CFAP221: variants seen among roughly 807,000 people sequenced by gnomAD.
CFAP221 encodes the protein cilia- and flagella-associated protein 221.
A neutral mutation model predicts 113.1 loss-of-function variants in CFAP221; 97 were observed. That is an observed-to-expected ratio of 0.86 (90% CI 0.73 to 1.02). The LOEUF is 1.02. Ranked by LOEUF, CFAP221 falls within the 50% of genes least tolerant of loss-of-function variation. The pLI, the probability that CFAP221 is intolerant of heterozygous loss-of-function variation, is 0.00. For missense variants in CFAP221, 1,025 were observed against 1,013.4 expected (o/e 1.01, Z -0.16); for synonymous variants, 331 against 354.4 (o/e 0.93, Z 0.74).
Position 119,604,799 on chromosome 2 carries a change from T to G in CFAP221, c.912+7T>G. 1 of 1,575,176 alleles carries G rather than the reference T, an allele frequency of 6.3e-7. No individual in the cohort carries two copies. Among genetic ancestry groups the G allele is most frequent in the Non-Finnish European group, 8.6e-7 (1 of 1,160,582 alleles). The stretch of plus-strand genomic sequence containing the variant: ...GAAGCCTCAGAAGGTGAAGGTACGG[T>G]GGGCCTTGTCCTTGGTGCGATGAAA... On this transcript the variant is annotated splice_region_variant and intron_variant, in intron 9 of 23. Coordinates refer to ENST00000413369, the MANE Select transcript of CFAP221 (RefSeq NM_001271049.2).
chr2:119,574,507 A>G (rs1388896858), intron 6 of CFAP221, among the ~76,000 whole-genome samples: 1 of 152,210 alleles, frequency 6.6e-6, no homozygotes. Context: ...TCCTGGAAGG[A>G]GCAAAGGTGA....
chr2:119,570,410 T>A (rs1232596791), intron 6 of CFAP221, among the ~76,000 whole-genome samples: 1 of 152,182 alleles, frequency 6.6e-6, no homozygotes, highest in East Asian at 1.9e-4. Context: ...ATGATAAAAT[T>A]TGCTAATTTA....
intron 21 of CFAP221, among the ~76,000 whole-genome samples, chr2:119,643,056 G>T (rs1687590796): frequency 6.6e-6 from 1 of 152,174 alleles, no homozygotes; most frequent in Admixed American, 6.5e-5. Context: ...CTCCCAAAGT[G>T]TTGGGATTAC....
chr2:119,639,884 T>G lies in CFAP221; in HGVS notation c.2225+12T>G, dbSNP rs1291223034. 1.2e-6 allele frequency: 2 copies of G among 1,609,234 alleles called. No homozygotes were observed. The highest frequency in any genetic ancestry group is 4.5e-5 in the East Asian group (2 of 44,860). On this transcript the variant is annotated intron_variant, in intron 21 of 23. Transcript: ENST00000413369. ...GAGACCACAAAGAGGTAAGCACAGC[T>G]CATCTGTTTGCTCACGAGTATGTGT...
intron 6 of CFAP221, chr2:119,581,002 C>T (rs2104598000): frequency 6.6e-6 from 1 of 152,378 alleles, no homozygotes; most frequent in Middle Eastern, 3.4e-3. Flanking sequence ...AGGGACAGTA[C>T]TAACCAGCTT....
chr2:119,559,142 A>G (rs2104533120), intron 3 of CFAP221, among the ~76,000 whole-genome samples: 1 of 152,330 alleles, frequency 6.6e-6, no homozygotes, highest in East Asian at 1.9e-4. Context: ...ATCCTGCCTC[A>G]CAGGGATGGC....
intron 3 of CFAP221, among the ~76,000 whole-genome samples, chr2:119,556,597 A>G (rs528065363): frequency 6.7e-6 from 1 of 148,444 alleles, no homozygotes; most frequent in South Asian, 2.1e-4. Flanking sequence ...CTTGTCACCC[A>G]GGTTGGAGTG....
chr2:119,619,122 G>A (rs1185982330), intron 14 of CFAP221, among the ~76,000 whole-genome samples: 3 of 152,208 alleles, frequency 2.0e-5, no homozygotes, highest in Non-Finnish European at 4.4e-5. Flanking sequence ...ATCTCCCTGG[G>A]ACAGAGCACC....
chr2:119,583,691 G>A (rs1683004151), intron 6 of CFAP221, among the ~76,000 whole-genome samples: 1 of 152,196 alleles, frequency 6.6e-6, no homozygotes. Flanking sequence ...CAAAATGTAT[G>A]TGTTTAAATC....
At chr2:119,651,860 C>A in intron 22 of CFAP221, 114 bp from the exon 23 acceptor site, 1 of 762,004 alleles carries the variant, frequency 1.3e-6, no homozygotes, top group Non-Finnish European at 2.0e-6. Context: ...GTAGATGGAA[C>A]TAAAGTTGAA....
rs375418107 is a variant in CFAP221, at chr2:119,627,744, C to T, written c.1608C>T (p.Phe536=). 3.1e-6 allele frequency: 5 copies of T among 1,613,668 alleles called. No individual in the cohort carries two copies. The highest frequency in any genetic ancestry group is 2.7e-5 in the African/African-American group (2 of 74,798). Residue 536 remains phenylalanine (F), a synonymous_variant, in exon 16 of 24, where the codon TTC becomes TTT. Transcript: ENST00000413369. ...FSVSPKEVLP[F]AFPDCSPPQD... ...TGTCGCCCAAGGAGGTGCTGCCCTT[C>T]GCTTTCCCAGACTGCAGCCCACCCC...
At chr2:119,615,064 T>C (rs942780630) in intron 13 of CFAP221, among the ~76,000 whole-genome samples, 10 of 152,240 alleles carry the variant, frequency 6.6e-5, no homozygotes, top group Non-Finnish European at 1.0e-4. Context: ...TGCTGTCTCT[T>C]TTTATATAAT....
chr2:119,613,610 G>A (rs1228060859), intron 13 of CFAP221, among the ~76,000 whole-genome samples: 2 of 152,152 alleles, frequency 1.3e-5, no homozygotes, highest in African/African-American at 2.4e-5. Flanking sequence ...TTATGGCTGG[G>A]ACACAGGGCA....
chr2:119,623,879 T>C (rs761972847), intron 14 of CFAP221, among the ~76,000 whole-genome samples: 1 of 152,160 alleles, frequency 6.6e-6, no homozygotes, highest in Non-Finnish European at 1.5e-5. Context: ...CAAGATGGAT[T>C]AAAGACTTAA....
Position 119,587,115 on chromosome 2 carries a change from G to A in CFAP221, c.528-4G>A. ...TTTTATTTTCTTTTTTGTTTGTTTTGCAGCAAAACTTATGTTATTCCTTTG... is the reference window on the plus strand; with the variant it reads ...TTTTATTTTCTTTTTTGTTTGTTTTACAGCAAAACTTATGTTATTCCTTTG... On this transcript the variant is annotated splice_polypyrimidine_tract_variant and splice_region_variant and intron_variant, in intron 6 of 23. Transcript: ENST00000413369. 1.2e-5 allele frequency: 18 copies of A among 1,489,806 alleles called. No individual in the cohort carries two copies. The highest frequency in any genetic ancestry group is 1.6e-5 in the Non-Finnish European group (18 of 1,127,442). The allele number at this position is 1,489,806 out of a possible 1,614,324, so 92.3% of individuals were successfully genotyped here. A position where few individuals can be genotyped will look rare whatever the true frequency, so the allele number is the denominator to read the frequency against.
chr2:119,646,379 T>TA (rs1382627882), intron 21 of CFAP221, among the ~76,000 whole-genome samples: 1 of 152,114 alleles, frequency 6.6e-6, no homozygotes, highest in South Asian at 2.1e-4. Context: ...TCTGGAGACT[T>TA]ACAATCATGG....
chr2:119,627,723 G>C lies in CFAP221; in HGVS notation c.1587G>C (p.Ser529=). The change falls in exon 16 of 24, where the codon TCG becomes TCC. Residue 529 remains serine, a synonymous_variant. Transcript: ENST00000413369. ...QDDYTSRFSV[S]PKEVLPFAFP... is the part of the protein sequence containing the mutation. ...ATTATACCAGCCGGTTCTCTGTGTC[G>C]CCCAAGGAGGTGCTGCCCTTCGCTT... is the stretch of plus-strand genomic sequence containing the variant. 1 of 1,613,590 alleles carries C rather than the reference G, an allele frequency of 6.2e-7. No homozygotes were observed. The highest frequency in any genetic ancestry group is 8.5e-7 in the Non-Finnish European group (1 of 1,179,878).
Position 119,601,351 on chromosome 2 carries a change from A to G in CFAP221, c.765A>G (p.Gly255=). ...AACCATACGAATGTGTCTTCACCGG[A>G]ACATGCTATCCCAACATGGCCTTAC... ...NSQPYECVFT[G]TCYPNMALPL... The change falls in exon 8 of 24, where the codon GGA becomes GGG. Residue 255 remains glycine (G), a synonymous_variant. Transcript: ENST00000413369. The G allele has an allele frequency of 6.5e-7, 1 of 1,532,562 alleles. No homozygotes were observed. The highest frequency in any genetic ancestry group is 8.7e-7 in the Non-Finnish European group (1 of 1,144,662). 94.9% of individuals were successfully genotyped at this position (1,532,562 alleles called of 1,614,324 possible).
chr2:119,598,840 A>T (rs1558947298), intron 7 of CFAP221, among the ~76,000 whole-genome samples: 2 of 152,252 alleles, frequency 1.3e-5, no homozygotes, highest in Non-Finnish European at 2.9e-5. Context: ...GGCAGCACTT[A>T]AAAATAAATC....
Sources: gnomAD v4.1 joint callset for allele counts (sites outside exome capture counted in the v4.1 genomes callset) on GRCh38, gnomAD v4.1.1 for gene constraint, MANE v1.5 for transcripts, NCBI Gene and HGNC (gene_info 2026-07-23, HGNC 2026-07-21) for gene names.